The following KHDRBS2 variants were observed in gnomAD, a reference collection of about 807,000 sequenced individuals.
KHDRBS2 encodes KH RNA binding domain containing, signal transduction associated 2, also known as KH domain-containing, RNA-binding, signal transduction-associated protein 2.
KHDRBS2 carries 26 observed loss-of-function variants against 44.3 expected under a neutral mutation model. The ratio of observed to expected loss-of-function variants is 0.59; its 90% CI spans 0.43 to 0.81. KHDRBS2 has a LOEUF of 0.81. Ranked by LOEUF, KHDRBS2 falls within the 40% of genes least tolerant of loss-of-function variation. The pLI is 0.00. For synonymous variants in KHDRBS2, 194 were observed against 151.1 expected (o/e 1.28, Z -2.08); for missense variants, 476 against 433.1 (o/e 1.10, Z -0.88).
chr6:61,709,675 A>G (rs1201629428), intron 7 of KHDRBS2, among the ~76,000 whole-genome samples: 8 of 151,664 alleles, frequency 5.3e-5, no homozygotes, highest in South Asian at 2.1e-4. Flanking sequence ...ATTATGTAGA[A>G]TTATTATTAG....
chr6:62,022,902 T>G (rs9342604), intron 3 of KHDRBS2, among the ~76,000 whole-genome samples: 116,395 of 151,444 alleles, frequency 0.77, 45,533 homozygotes, highest in Non-Finnish European at 0.84. Flanking sequence ...AAAAACATGT[T>G]AAGAGCTCTC....
At chr6:62,024,270 TA>T (rs1165181627) in intron 3 of KHDRBS2, among the ~76,000 whole-genome samples, 1 of 151,496 alleles carries the variant, frequency 6.6e-6, no homozygotes, top group African/African-American at 2.4e-5. Context: ...AATTTAGAGA[TA>T]AAAAGAATGA....
chr6:61,910,294 G>GA (rs773269760), intron 4 of KHDRBS2, among the ~76,000 whole-genome samples: 8 of 152,246 alleles, frequency 5.3e-5, no homozygotes, highest in South Asian at 2.1e-4. Context: ...CTCAGAACCA[G>GA]AAAAAACGCA....
At chr6:62,184,171 T>C (rs1822950178) in intron 1 of KHDRBS2, among the ~76,000 whole-genome samples, 1 of 151,730 alleles carries the variant, frequency 6.6e-6, no homozygotes, top group African/African-American at 2.4e-5. Flanking sequence ...AGAGATTATG[T>C]ATACTATATT....
chr6:61,643,460 A>G, the KHDRBS2 span, among the ~76,000 whole-genome samples: 1 of 152,186 alleles, frequency 6.6e-6, no homozygotes, highest in Non-Finnish European at 1.5e-5. Context: ...AACCCTGGCC[A>G]GAGCAATCAG....
At chr6:62,115,384 A>T (rs1805979046) in intron 2 of KHDRBS2, among the ~76,000 whole-genome samples, 1 of 152,176 alleles carries the variant, frequency 6.6e-6, no homozygotes, top group Admixed American at 6.6e-5. Flanking sequence ...TGCTACCATT[A>T]TCCAGTTTTA....
At chr6:62,245,624 T>A (rs778331083) in intron 1 of KHDRBS2, among the ~76,000 whole-genome samples, 12 of 152,142 alleles carry the variant, frequency 7.9e-5, no homozygotes, top group Non-Finnish European at 1.6e-4. Flanking sequence ...TATGTGCCAA[T>A]GCCAGTCTGT....
the KHDRBS2 span, among the ~76,000 whole-genome samples, chr6:61,552,944 C>A: frequency 6.6e-6 from 1 of 151,878 alleles, no homozygotes; most frequent in Non-Finnish European, 1.5e-5. Flanking sequence ...ATCAAGGGTA[C>A]TGGCCTGACC....
At chr6:61,997,091 T>C (rs925344522) in intron 3 of KHDRBS2, among the ~76,000 whole-genome samples, 2 of 152,156 alleles carry the variant, frequency 1.3e-5, no homozygotes, top group Admixed American at 1.3e-4. Flanking sequence ...CATCCACACA[T>C]ATTTTTAAAC....
chr6:62,228,838 C>G (rs1387005133), intron 1 of KHDRBS2, among the ~76,000 whole-genome samples: 1 of 152,088 alleles, frequency 6.6e-6, no homozygotes, highest in African/African-American at 2.4e-5. Flanking sequence ...GGAGATGTCA[C>G]TCGAGGAAGC....
chr6:61,764,586 G>T (rs551097404), intron 6 of KHDRBS2, among the ~76,000 whole-genome samples: 8 of 151,986 alleles, frequency 5.3e-5, no homozygotes, highest in Non-Finnish European at 8.8e-5. Context: ...TGTATGAGAT[G>T]GTATCTCATC....
intron 3 of KHDRBS2, among the ~76,000 whole-genome samples, chr6:62,024,687 T>C (rs186125335): frequency 2.6e-5 from 4 of 151,722 alleles, no homozygotes; most frequent in Admixed American, 2.6e-4. Context: ...TCTTTATCAT[T>C]GTCTTGAATT....
intron 3 of KHDRBS2, among the ~76,000 whole-genome samples, chr6:62,042,463 T>G (rs916366321): frequency 1.4e-4 from 22 of 152,034 alleles, no homozygotes; most frequent in African/African-American, 4.3e-4. Flanking sequence ...GGCTCTTGAT[T>G]TTGTAGGATT....
intron 4 of KHDRBS2, among the ~76,000 whole-genome samples, chr6:61,949,865 T>C (rs1394461902): frequency 6.6e-6 from 1 of 152,120 alleles, no homozygotes; most frequent in Non-Finnish European, 1.5e-5. Context: ...TCCCATTCTT[T>C]TACCTCATGT....
At chr6:61,830,057 T>C (rs1791547416) in intron 6 of KHDRBS2, among the ~76,000 whole-genome samples, 1 of 152,198 alleles carries the variant, frequency 6.6e-6, no homozygotes, top group South Asian at 2.1e-4. Context: ...AATAGATAAT[T>C]GCATGCTGAA....
intron 6 of KHDRBS2, among the ~76,000 whole-genome samples, chr6:61,822,948 C>T (rs1356532425): frequency 6.6e-6 from 1 of 152,008 alleles, no homozygotes; most frequent in Non-Finnish European, 1.5e-5. Flanking sequence ...CTATATTCCA[C>T]CAGTTGGTCA....
chr6:62,031,426 C>T (rs1784317652), intron 3 of KHDRBS2, among the ~76,000 whole-genome samples: 1 of 152,028 alleles, frequency 6.6e-6, no homozygotes, highest in Non-Finnish European at 1.5e-5. Flanking sequence ...CAGTGAAATA[C>T]AGCACCAAGT....
chr6:61,723,579 AAAC>A (rs1328153242), intron 7 of KHDRBS2, among the ~76,000 whole-genome samples: 5 of 152,120 alleles, frequency 3.3e-5, no homozygotes, highest in Non-Finnish European at 5.9e-5. Context: ...ACAAACAAAA[AAAC>A]AACAATACAG....
At chr6:62,072,573 G>T (rs1795399709) in intron 2 of KHDRBS2, among the ~76,000 whole-genome samples, 1 of 152,104 alleles carries the variant, frequency 6.6e-6, no homozygotes, top group East Asian at 1.9e-4. Flanking sequence ...TTTGTCAATG[G>T]CCTTTTCTGC....
Sources: allele counts gnomAD v4.1 joint callset (sites outside exome capture counted in the v4.1 genomes callset), GRCh38; gene constraint gnomAD v4.1.1; transcripts MANE v1.5; gene names NCBI Gene and HGNC (gene_info 2026-07-23, HGNC 2026-07-21).